Variants in PRKCH observed in about 807,000 individuals in gnomAD.
PRKCH encodes protein kinase C eta type.
A neutral mutation model predicts 82.5 loss-of-function variants in PRKCH; 28 were observed. The ratio of observed to expected loss-of-function variants is 0.34; its 90% CI spans 0.25 to 0.47. The LOEUF (loss-of-function observed/expected upper bound fraction) is 0.47. PRKCH is among the 20% of genes least tolerant of loss of function. PRKCH has a pLI of 1.00. For missense variants in PRKCH, 705 were observed against 881.8 expected, an observed-to-expected ratio of 0.80 and a Z score of 2.54; for synonymous variants, 322 against 327.4, an observed-to-expected ratio of 0.98 and a Z score of 0.18.
intron 9 of PRKCH, among the ~76,000 whole-genome samples, chr14:61,475,404 T>C (rs546688248): frequency 6.6e-6 from 1 of 152,248 alleles, no homozygotes; most frequent in Non-Finnish European, 1.5e-5. Flanking sequence ...AGGAGGTTTG[T>C]TCAAACGTTC....
chr14:61,449,888 CTCTCTCTCTCTCTG>C (rs55756585), intron 5 of PRKCH, among the ~76,000 whole-genome samples: 19,556 of 60,124 alleles, frequency 0.33, 1,153 homozygotes, highest in South Asian at 0.52. Flanking sequence ...CTCTCTCTCT[CTCTCTCTCTCTCTG>C]TGTGTGTGTG....
intron 1 of PRKCH, among the ~76,000 whole-genome samples, chr14:61,211,287 C>T (rs746088619): frequency 1.3e-5 from 2 of 152,190 alleles, no homozygotes; most frequent in Admixed American, 6.5e-5. Context: ...TGCACAGTGC[C>T]GCAGTGCATG....
upstream of PRKCH, among the ~76,000 whole-genome samples, chr14:61,321,476 T>G (rs1429271488): frequency 6.6e-6 from 1 of 152,130 alleles, no homozygotes; most frequent in Non-Finnish European, 1.5e-5. The surrounding 1 kb of genome is among the most constrained non-coding windows in gnomAD (Gnocchi z 4.1). Flanking sequence ...GGCACTGGCC[T>G]CCCGGGGGCT....
chr14:61,320,721 C>G (rs893832923), upstream of PRKCH, among the ~76,000 whole-genome samples: 7 of 152,218 alleles, frequency 4.6e-5, no homozygotes, highest in African/African-American at 1.4e-4. Flanking sequence ...AGGTCCTCCC[C>G]GGAGACAAAA....
chr14:61,402,655 T>G (rs1140200), intron 2 of PRKCH, among the ~76,000 whole-genome samples: 4 of 151,808 alleles, frequency 2.6e-5, no homozygotes, highest in African/African-American at 9.7e-5. Context: ...AAAAATTAGC[T>G]GGGTGTGGTG....
chr14:61,329,232 G>GTATTTTTTT (rs369546229), intron 1 of PRKCH, among the ~76,000 whole-genome samples: 1 of 16,136 alleles, frequency 6.2e-5, no homozygotes, highest in Non-Finnish European at 1.9e-4. Context: ...AAACTCCTGA[G>GTATTTTTTT]TCTTTTTTTT....
intron 1 of PRKCH, among the ~76,000 whole-genome samples, chr14:61,261,567 C>T (rs1022111223): frequency 8.5e-5 from 13 of 152,204 alleles, no homozygotes; most frequent in Non-Finnish European, 1.3e-4. Flanking sequence ...TGATTTATTT[C>T]GAGGTCTGAA....
chr14:61,268,782 C>G (rs76721595), intron 1 of PRKCH, among the ~76,000 whole-genome samples: 1 of 152,132 alleles, frequency 6.6e-6, no homozygotes, highest in African/African-American at 2.4e-5. Flanking sequence ...TGTTCCAGTA[C>G]AAGCAATTCA....
intron 1 of PRKCH, among the ~76,000 whole-genome samples, chr14:61,289,447 C>A (rs2045342186): frequency 6.6e-6 from 1 of 152,254 alleles, no homozygotes; most frequent in Admixed American, 6.5e-5. Context: ...TGGCTTACAC[C>A]TGTAATCCCA....
chr14:61,310,865 CA>C (rs2045518246), intron 1 of PRKCH, among the ~76,000 whole-genome samples: 1 of 152,260 alleles, frequency 6.6e-6, no homozygotes, highest in Non-Finnish European at 1.5e-5. Flanking sequence ...TCTCCAACCT[CA>C]ATTATTGACT....
intron 1 of PRKCH, among the ~76,000 whole-genome samples, chr14:61,215,680 T>G (rs2044611197): frequency 6.6e-6 from 1 of 152,250 alleles, no homozygotes; most frequent in Admixed American, 6.5e-5. Flanking sequence ...TTGTGTGACT[T>G]TTTGAAGCCT....
At chr14:61,416,520 C>G (rs1437283577) in intron 2 of PRKCH, among the ~76,000 whole-genome samples, 2 of 152,152 alleles carry the variant, frequency 1.3e-5, no homozygotes, top group Non-Finnish European at 2.9e-5. Context: ...AAACTTTGGT[C>G]TCAAACTCAG....
intron 1 of PRKCH, among the ~76,000 whole-genome samples, chr14:61,276,250 T>A (rs913857944): frequency 7.2e-5 from 11 of 151,954 alleles, no homozygotes; most frequent in South Asian, 2.1e-4. Flanking sequence ...TTAATTTTTT[T>A]AAAAAGAATG....
chr14:61,502,158 A>G (rs1355615592), intron 10 of PRKCH, among the ~76,000 whole-genome samples: 2 of 139,252 alleles, frequency 1.4e-5, no homozygotes, highest in Non-Finnish European at 3.0e-5. Flanking sequence ...TCCACCTCCC[A>G]GGTTCAAGTG....
chr14:61,232,853 A>T (rs1035405807), intron 1 of PRKCH, among the ~76,000 whole-genome samples: 4 of 152,096 alleles, frequency 2.6e-5, no homozygotes, highest in Non-Finnish European at 5.9e-5. Flanking sequence ...ATGTGACCGT[A>T]CCCCATCCTG....
chr14:61,266,292 C>G (rs190894516), intron 1 of PRKCH, among the ~76,000 whole-genome samples: 25 of 151,650 alleles, frequency 1.6e-4, no homozygotes, highest in Admixed American at 1.6e-3. Flanking sequence ...ATGGCATGCA[C>G]CTGTAATTCC....
intron 1 of PRKCH, among the ~76,000 whole-genome samples, chr14:61,241,453 C>CTTT (rs916490496): frequency 5.1e-4 from 78 of 152,256 alleles, no homozygotes; most frequent in African/African-American, 1.7e-3. Context: ...AGTCCCAACT[C>CTTT]TTTGCTCATG....
Position 61,461,573 on chromosome 14 carries a change from G to T in PRKCH, c.1278+3894G>T, listed in dbSNP as rs150309905. Among the ~76,000 whole-genome samples the T allele has an allele frequency of 2.8e-3, 423 of 152,316 alleles. 4 individuals are homozygous for T. The highest frequency in any genetic ancestry group is 9.8e-3 in the African/African-American group (407 of 41,568). On this transcript the variant is annotated intron_variant, in intron 9 of 13. Transcript: ENST00000332981. ...TAACCTTTGAGTCAAGCAGTCAACT[G>T]ATATTTAGTGAGCTTACCTGGTCTT...
intron 2 of PRKCH, among the ~76,000 whole-genome samples, chr14:61,400,590 G>A (rs1033091166): frequency 6.6e-6 from 1 of 152,178 alleles, no homozygotes; most frequent in Non-Finnish European, 1.5e-5. Flanking sequence ...TGTCATAGAT[G>A]CTCTCTCGTC....
Sources: allele counts gnomAD v4.1 joint callset (sites outside exome capture counted in the v4.1 genomes callset), GRCh38; gene constraint gnomAD v4.1.1; non-coding constraint Gnocchi (gnomAD v3.1); transcripts MANE v1.5; gene names NCBI Gene and HGNC (gene_info 2026-07-23, HGNC 2026-07-21).